RANGAP1: variants seen among roughly 807,000 people sequenced by gnomAD.
The protein encoded by RANGAP1 is Ran GTPase activating protein 1.
In RANGAP1, 38 loss-of-function variants were observed where a neutral mutation model predicts 63.5. That is an observed-to-expected ratio of 0.60 (90% CI 0.46 to 0.78). The LOEUF is 0.78. Ranked by LOEUF, RANGAP1 falls within the 30% of genes least tolerant of loss-of-function variation. The pLI, the probability that RANGAP1 is intolerant of heterozygous loss-of-function variation, is 0.00. For missense variants in RANGAP1, 630 were observed against 740.3 expected (o/e 0.85, Z 1.73); for synonymous variants, 329 against 310.5 (o/e 1.06, Z -0.63).
Position 41,249,419 on chromosome 22 carries a change from C to T in RANGAP1, c.1605G>A (p.Leu535=). The T allele has an allele frequency of 1.2e-6, 2 of 1,614,180 alleles. No individual in the cohort carries two copies. The highest frequency in any genetic ancestry group is 8.5e-7 in the Non-Finnish European group (1 of 1,180,020). The change falls in exon 15 of 16, where the codon CTG becomes CTA. Residue 535 remains leucine (L), a synonymous_variant. Transcript: ENST00000356244. The part of the protein sequence containing the change: ...SEDKVKAIAN[L]YGPLMALNHM... ...GGTTCAGCGCCATCAGGGGGCCGTA[C>T]AGGTTGGCAATGGCCTTGACCTTGT...
chr22:41,294,945 C>T, the RANGAP1 span, among the ~76,000 whole-genome samples: 11 of 111,768 alleles, frequency 9.8e-5, no homozygotes, highest in Non-Finnish European at 1.5e-4. Context: ...ATCAGCCCCC[C>T]GCCCGGCCAG....
chr22:41,256,045 A>C lies in RANGAP1; in HGVS notation c.1049T>G (p.Met350Arg), dbSNP rs761866221. 1 of 1,613,930 alleles carries C rather than the reference A, an allele frequency of 6.2e-7. No homozygotes were observed. Among genetic ancestry groups the C allele is most frequent in the East Asian group, 2.2e-5 (1 of 44,884 alleles). Residue 350 changes from methionine to arginine, a missense_variant, in exon 10 of 16, where the codon ATG (methionine) becomes AGG (arginine). By Grantham distance (91) the Met-to-Arg change is moderately conservative. Around this residue, in one of 3 missense-constraint regions of RANGAP1, gnomAD observed 428 missense variants for 465.5 expected, o/e 0.92. Transcript: ENST00000356244. Reference sequence around the variant, plus strand: ...CCTGAGGGACGCCAGCACCTTGGCCATGTTGAAGCCCTCCAGCACCTCCTG... The same window carrying C: ...CCTGAGGGACGCCAGCACCTTGGCCCTGTTGAAGCCCTCCAGCACCTCCTG... ...QLQEVLEGFN[M>R]AKVLASLSDD...
At chr22:41,265,040 G>A (rs118180630) in intron 4 of RANGAP1, among the ~76,000 whole-genome samples, 197 bp from the exon 5 acceptor site, 7 of 152,346 alleles carry the variant, frequency 4.6e-5, no homozygotes, top group Non-Finnish European at 7.3e-5. Flanking sequence ...TGGGGGATGC[G>A]TATGCCTGGA....
At chr22:41,247,831 G>C (rs535488227) in intron 15 of RANGAP1, among the ~76,000 whole-genome samples, 1 of 152,250 alleles carries the variant, frequency 6.6e-6, no homozygotes, top group Non-Finnish European at 1.5e-5. Flanking sequence ...CATTTGGCTG[G>C]GAGCTGAGGG....
the RANGAP1 span, among the ~76,000 whole-genome samples, chr22:41,291,308 C>A: frequency 6.6e-6 from 1 of 152,204 alleles, no homozygotes; most frequent in South Asian, 2.1e-4. Flanking sequence ...TTTAATAATT[C>A]CTTCATCGGC....
Position 41,261,432 on chromosome 22 carries a change from C to T in RANGAP1, c.615+14G>A, listed in dbSNP as rs2034163758. On this transcript the variant is annotated intron_variant, in intron 6 of 15. Transcript: ENST00000356244. ...CTCAAGGCTGCAGGGGCAGGATGGA[C>T]AGAAACCACTCACCCTAAAAGCTTC... 6.2e-7 allele frequency: 1 copy of T among 1,614,026 alleles called. No homozygotes were observed. Among genetic ancestry groups the T allele is most frequent in the Admixed American group, 1.7e-5 (1 of 60,000 alleles).
Position 41,254,497 on chromosome 22 carries a change from G to T in RANGAP1, c.1074-3C>A. On this transcript the variant is annotated splice_region_variant and splice_polypyrimidine_tract_variant and intron_variant, in intron 10 of 15. Transcript: ENST00000356244. ...CCTCCTCCTCGTCCTCGTCATCACT[G>T]CAGAAAGAGCTGGCTGAAGCAGATC... The T allele has an allele frequency of 6.3e-7, 1 of 1,581,346 alleles. No individual in the cohort carries two copies. Among genetic ancestry groups the T allele is most frequent in the East Asian group, 2.2e-5 (1 of 44,802 alleles).
In RANGAP1 at chr22:41,249,422, G is replaced by T. The variant is rs2033277893; in HGVS notation, c.1602C>A (p.Asn534Lys). 2.5e-6 allele frequency: 4 copies of T among 1,614,202 alleles called. No homozygotes were observed. Among genetic ancestry groups the T allele is most frequent in the Non-Finnish European group, 3.4e-6 (4 of 1,180,030 alleles). Residue 534 changes from asparagine to lysine, a missense_variant, in exon 15 of 16, where the codon AAC becomes AAA. By Grantham distance (94) the Asn-to-Lys change is moderately conservative (BLOSUM62 0). Coordinates refer to ENST00000356244, the MANE Select transcript of RANGAP1 (RefSeq NM_002883.4). Reference sequence around the variant, plus strand: ...TCAGCGCCATCAGGGGGCCGTACAGGTTGGCAATGGCCTTGACCTTGTCTT... The same window carrying T: ...TCAGCGCCATCAGGGGGCCGTACAGTTTGGCAATGGCCTTGACCTTGTCTT... ...KSEDKVKAIA[N>K]LYGPLMALNH...
intron 4 of RANGAP1, 123 bp downstream of exon 4, chr22:41,267,974 C>T: frequency 9.5e-7 from 1 of 1,054,888 alleles, no homozygotes; most frequent in Non-Finnish European, 1.4e-6. Context: ...GGCTTCCATT[C>T]CAGCAGCTCA....
the RANGAP1 span, among the ~76,000 whole-genome samples, chr22:41,294,920 G>A: frequency 9.5e-6 from 1 of 105,012 alleles, no homozygotes; most frequent in Admixed American, 9.5e-5. Context: ...GCCCCATCCG[G>A]GAGGGAGGTG....
chr22:41,279,797 T>G lies in RANGAP1; in HGVS notation c.112+1136A>C, dbSNP rs547718660. 5.8e-5 allele frequency among the ~76,000 whole-genome samples: 5 copies of G among 85,686 alleles called. No homozygotes were observed. The South Asian group carries it at 2.1e-3, about 37-fold the overall frequency. The allele number at this position is 85,686 out of a possible 152,430, so 56.2% of individuals were successfully genotyped here. A position where few individuals can be genotyped will look rare whatever the true frequency, so the allele number is the denominator to read the frequency against. On this transcript the variant is annotated intron_variant, in intron 2 of 15. Coordinates refer to ENST00000356244, the MANE Select transcript of RANGAP1 (RefSeq NM_002883.4). The stretch of plus-strand genomic sequence containing the variant: ...AGCCTGGGTGGCAGAGTGAGACTCA[T>G]CTCAAAAAAAAAAAAAAAAGCCGGG...
rs759921605 is a variant in RANGAP1 at position 41,250,995 on chromosome 22, AGCC to A, written c.1483+9_1483+11del. On this transcript the variant is annotated intron_variant, in intron 13 of 15. Coordinates refer to ENST00000356244, the MANE Select transcript of RANGAP1 (RefSeq NM_002883.4). The stretch of plus-strand genomic sequence containing the variant: ...GACAGAGGGCACCCAGGTCTCACCC[AGCC>A]CACATTACCTACTGCATCCTGCACT... 3.6e-4 allele frequency: 583 copies of A among 1,612,416 alleles called. No homozygotes were observed. Among genetic ancestry groups the A allele is most frequent in the South Asian group, 8.3e-4 (76 of 91,056 alleles).
chr22:41,249,288 C>G, intron 15 of RANGAP1, 42 bp downstream of exon 15: 1 of 1,550,612 alleles, frequency 6.4e-7, no homozygotes, highest in Non-Finnish European at 8.7e-7. Context: ...CCAGAGAAGC[C>G]CGAGAGGGCA....
chr22:41,286,829 C>A (rs2035764639), upstream of RANGAP1, among the ~76,000 whole-genome samples: 1 of 152,176 alleles, frequency 6.6e-6, no homozygotes, highest in Admixed American at 6.5e-5. Flanking sequence ...ACGGCGTCAC[C>A]GTCCGGTCTA....
chr22:41,272,774 A>AC (rs1366627904), intron 3 of RANGAP1, among the ~76,000 whole-genome samples: 2 of 151,826 alleles, frequency 1.3e-5, no homozygotes, highest in Admixed American at 1.3e-4. Flanking sequence ...TTGGCCTCCC[A>AC]AAGTGCTAGG....
intron 5 of RANGAP1, among the ~76,000 whole-genome samples, chr22:41,263,416 C>T (rs1426934285): frequency 6.6e-6 from 1 of 152,148 alleles, no homozygotes; most frequent in Non-Finnish European, 1.5e-5. Context: ...CGGAGTTTTG[C>T]TCTTGTTGCC....
At position 41,246,676 on chromosome 22, in the gene RANGAP1, C is replaced by G; in HGVS notation, c.1695-4G>C. On this transcript the variant is annotated splice_polypyrimidine_tract_variant and splice_region_variant and intron_variant, in intron 15 of 15. Coordinates refer to ENST00000356244, the MANE Select transcript of RANGAP1 (RefSeq NM_002883.4). ...GGATTCCAGGGCGCTGTTGGGCCTG[C>G]GGGGAAAGAGGGGTCAGCAGGTCGG... 1 of 1,560,916 alleles carries G rather than the reference C, an allele frequency of 6.4e-7. No individual in the cohort carries two copies. The highest frequency in any genetic ancestry group is 8.7e-7 in the Non-Finnish European group (1 of 1,150,696).
chr22:41,292,730 A>G, the RANGAP1 span, among the ~76,000 whole-genome samples: 1 of 152,036 alleles, frequency 6.6e-6, no homozygotes, highest in African/African-American at 2.4e-5. Context: ...TGGTCAACAG[A>G]GTGAGACTCC....
chr22:41,247,907 T>C (rs928324871), intron 15 of RANGAP1, among the ~76,000 whole-genome samples: 1 of 152,128 alleles, frequency 6.6e-6, no homozygotes, highest in African/African-American at 2.4e-5. Context: ...GGGGGCAGAC[T>C]GAGGCCTGTG....
Sources: allele counts gnomAD v4.1 joint callset (sites outside exome capture counted in the v4.1 genomes callset), GRCh38; gene constraint gnomAD v4.1.1; regional missense constraint gnomAD v4.1.1; transcripts MANE v1.5; gene names NCBI Gene and HGNC (gene_info 2026-07-23, HGNC 2026-07-21).